SLC9A6: variants seen among roughly 807,000 people sequenced by gnomAD.
The protein encoded by SLC9A6 is solute carrier family 9 member A6.
In SLC9A6, 6 loss-of-function variants were observed where a neutral mutation model predicts 45.3. The observed-to-expected ratio is 0.13, with a 90% confidence interval of 0.07 to 0.26. SLC9A6 has a LOEUF of 0.26. Ranked by LOEUF, SLC9A6 falls within the 10% of genes least tolerant of loss-of-function variation. The pLI is 1.00. For synonymous variants in SLC9A6, 191 were observed against 187.7 expected (o/e 1.02, Z -0.14); for missense variants, 278 against 503.7 (o/e 0.55, Z 4.29).
At chrX:136,027,231 T>C (rs2071243857) in intron 13 of SLC9A6, among the ~76,000 whole-genome samples, 1 of 111,551 alleles carries the variant, frequency 9.0e-6, no homozygotes, top group Non-Finnish European at 1.9e-5. Context: ...CAAGGTACTG[T>C]GATAGTGACT....
At chrX:136,036,429 A>AT (rs1209323194) in intron 16 of SLC9A6, among the ~76,000 whole-genome samples, 1 of 110,448 alleles carries the variant, frequency 9.1e-6, no homozygotes. Context: ...TGATTATTGT[A>AT]TTTTTTCTCA....
chrX:136,019,603 T>C (rs1173709018), intron 11 of SLC9A6, among the ~76,000 whole-genome samples: 1 of 112,611 alleles, frequency 8.9e-6, no homozygotes, highest in African/African-American at 3.2e-5. Context: ...GGAATCACTT[T>C]TTAAAATAAA....
chrX:136,030,389 T>C (rs1356210109), intron 15 of SLC9A6: 2 of 423,800 alleles, frequency 4.7e-6, no homozygotes, highest in Non-Finnish European at 8.3e-6. Flanking sequence ...CTTTCATGTC[T>C]CTGGGCCATC....
At chrX:136,042,967 A>G (rs1283019182) in intron 17 of SLC9A6, among the ~76,000 whole-genome samples, 4 of 111,533 alleles carry the variant, frequency 3.6e-5, no homozygotes, top group Non-Finnish European at 7.5e-5. Flanking sequence ...TTACCTAACT[A>G]TGTAAAAGTA....
chrX:136,010,375 A>G (rs1296534255), intron 7 of SLC9A6, 67 bp from the exon 8 acceptor site: 14 of 1,106,958 alleles, frequency 1.3e-5, no homozygotes, highest in Middle Eastern at 2.4e-4. Flanking sequence ...TTCAAGCTCT[A>G]TACTACATAA....
intron 2 of SLC9A6, among the ~76,000 whole-genome samples, chrX:135,987,488 T>C (rs1189971639): frequency 1.8e-5 from 2 of 111,391 alleles, no homozygotes; most frequent in Non-Finnish European, 3.8e-5. Context: ...TGATCAGAGA[T>C]ACTTCTTTTA....
At chrX:135,998,025 A>G in intron 3 of SLC9A6, 83 bp from the exon 4 acceptor site, 2 of 557,433 alleles carry the variant, frequency 3.6e-6, no homozygotes, top group South Asian at 4.8e-5. Context: ...TTTAACATAT[A>G]GTATTTTTTC....
chrX:135,997,014 C>G (rs1556616657), intron 3 of SLC9A6, among the ~76,000 whole-genome samples: 1 of 111,043 alleles, frequency 9.0e-6, no homozygotes, highest in Non-Finnish European at 1.9e-5. Context: ...GATCCGCCCG[C>G]CTTGGCCTCC....
chrX:136,012,598 A>G (rs1249789545), intron 8 of SLC9A6, among the ~76,000 whole-genome samples: 3 of 112,715 alleles, frequency 2.7e-5, no homozygotes, highest in African/African-American at 9.7e-5. Context: ...ACAATTATGG[A>G]AGCTGTCTAG....
intron 1 of SLC9A6, among the ~76,000 whole-genome samples, chrX:135,976,034 C>T (rs181974234): frequency 4.8e-5 from 5 of 105,229 alleles, no homozygotes; most frequent in African/African-American, 1.4e-4. Context: ...AATCATATTT[C>T]CTCAACTTTA....
upstream of SLC9A6, chrX:135,983,897 A>G (rs2089299969): frequency 9.1e-6 from 1 of 110,467 alleles, no homozygotes; most frequent in Non-Finnish European, 1.9e-5. Flanking sequence ...TGAACAGGAC[A>G]GTGTGGTTCA....
chrX:136,042,193 T>C (rs1603224747), intron 17 of SLC9A6, among the ~76,000 whole-genome samples: 1 of 108,158 alleles, frequency 9.2e-6, no homozygotes, highest in Admixed American at 9.9e-5. Flanking sequence ...TTTTTTTTTT[T>C]AGACAGAGTC....
At position 135,985,495 on chromosome X, in the gene SLC9A6, G is replaced by C. The variant is rs1238943912; in HGVS notation, c.-57+18G>C. 9.2e-7 allele frequency: 1 copy of C among 1,084,247 alleles called. No individual in the cohort carries two copies. Among genetic ancestry groups the C allele is most frequent in the Non-Finnish European group, 1.2e-6 (1 of 837,789 alleles). The allele number at this position is 1,084,247 out of a possible 1,213,427, so 89.4% of individuals were successfully genotyped here. ...CCGGTGAGGTAGGGGCGGGAGGCGG[G>C]GGGAGACATGGCTCGGCGCGGCTGG... On this transcript the variant is annotated intron_variant, in intron 1 of 17. Coordinates refer to ENST00000630721, the MANE Select transcript of SLC9A6 (RefSeq NM_001379110.1).
intron 3 of SLC9A6, among the ~76,000 whole-genome samples, chrX:135,996,978 G>A (rs782206254): frequency 1.8e-5 from 2 of 110,923 alleles, no homozygotes; most frequent in South Asian, 3.8e-4. Flanking sequence ...GTGTTAGCCA[G>A]GATGGTCTCG....
At chrX:136,034,735 G>A (rs1410386022) in intron 16 of SLC9A6, among the ~76,000 whole-genome samples, 1 of 111,863 alleles carries the variant, frequency 8.9e-6, no homozygotes, top group Non-Finnish European at 1.9e-5. Flanking sequence ...TTCACTGCTT[G>A]CAAGTACTTC....
At chrX:136,032,052 C>CTTATTTAT (rs782510667) in intron 15 of SLC9A6, among the ~76,000 whole-genome samples, 2 of 111,872 alleles carry the variant, frequency 1.8e-5, no homozygotes, top group African/African-American at 6.5e-5. Context: ...TGCTTGCTTG[C>CTTATTTAT]TTATTTATTT....
chrX:136,035,299 C>G (rs376949127), intron 16 of SLC9A6, among the ~76,000 whole-genome samples: 1 of 112,100 alleles, frequency 8.9e-6, no homozygotes, highest in African/African-American at 3.2e-5. Flanking sequence ...AACTGTGTGC[C>G]TCCCACCCAT....
chrX:135,986,901 T>G (rs1307216639), intron 2 of SLC9A6, among the ~76,000 whole-genome samples: 2 of 111,599 alleles, frequency 1.8e-5, no homozygotes, highest in Admixed American at 1.9e-4. Flanking sequence ...GTGTGAAGAT[T>G]ATCTTCATTT....
intron 7 of SLC9A6, 30 bp downstream of exon 7, chrX:136,002,243 A>G (rs1556617461): frequency 1.0e-6 from 1 of 964,476 alleles, no homozygotes; most frequent in Admixed American, 2.2e-5. Context: ...TTATATTCTG[A>G]ATATTAAGTG....
Sources: gnomAD v4.1 joint callset for allele counts (sites outside exome capture counted in the v4.1 genomes callset) on GRCh38, gnomAD v4.1.1 for gene constraint, MANE v1.5 for transcripts, NCBI Gene and HGNC (gene_info 2026-07-23, HGNC 2026-07-21) for gene names.